SMYD3: variants seen among roughly 807,000 people sequenced by gnomAD.
SMYD3 encodes histone-lysine N-methyltransferase SMYD3.
Under a neutral mutation model 57.7 loss-of-function variants are expected in SMYD3, and 36 were observed. That is an observed-to-expected ratio of 0.62 (90% CI 0.48 to 0.82). The LOEUF is 0.82. Among genes scored for constraint, SMYD3 ranks in the 40% least tolerant of loss-of-function variants. The pLI is 0.00. For synonymous variants in SMYD3, 211 were observed against 195.0 expected, an observed-to-expected ratio of 1.08 and a Z score of -0.68; for missense variants, 515 against 538.8, an observed-to-expected ratio of 0.96 and a Z score of 0.44.
chr1:245,820,779 T>C (rs1280975577), intron 10 of SMYD3, among the ~76,000 whole-genome samples: 2 of 150,486 alleles, frequency 1.3e-5, no homozygotes, highest in East Asian at 3.9e-4. Context: ...AAATCATGAG[T>C]GAACTCCCAT....
intron 10 of SMYD3, among the ~76,000 whole-genome samples, chr1:245,852,783 A>T (rs2051042639): frequency 6.6e-6 from 1 of 152,208 alleles, no homozygotes; most frequent in Admixed American, 6.5e-5. Context: ...AAAAGTTTTT[A>T]AAAATGCTTG....
At chr1:246,290,344 A>T (rs1249181543) in intron 5 of SMYD3, among the ~76,000 whole-genome samples, 1 of 152,176 alleles carries the variant, frequency 6.6e-6, no homozygotes, top group Non-Finnish European at 1.5e-5. Flanking sequence ...TACTGTTCTC[A>T]TTTCACTAGA....
At chr1:246,293,598 A>G (rs1464535506) in intron 5 of SMYD3, among the ~76,000 whole-genome samples, 1 of 152,158 alleles carries the variant, frequency 6.6e-6, no homozygotes, top group Non-Finnish European at 1.5e-5. Flanking sequence ...GGCACAGTGG[A>G]AAAACCCACG....
chr1:246,280,578 T>C (rs2064422016), intron 5 of SMYD3, among the ~76,000 whole-genome samples: 1 of 152,204 alleles, frequency 6.6e-6, no homozygotes, highest in African/African-American at 2.4e-5. Context: ...TGCAACACAG[T>C]GAAATCTCCA....
At chr1:245,985,836 T>C (rs1413415707) in intron 5 of SMYD3, among the ~76,000 whole-genome samples, 3 of 152,198 alleles carry the variant, frequency 2.0e-5, no homozygotes, top group African/African-American at 7.2e-5. Context: ...TTCCAAAACC[T>C]TCCCAAATGT....
chr1:245,871,198 T>C (rs866965385), intron 8 of SMYD3, among the ~76,000 whole-genome samples: 7 of 152,308 alleles, frequency 4.6e-5, no homozygotes, highest in East Asian at 1.9e-4. Context: ...AAGAGAGAGA[T>C]TGGAAAGTCT....
intron 10 of SMYD3, among the ~76,000 whole-genome samples, chr1:245,827,278 T>G (rs1406811146): frequency 2.0e-5 from 3 of 152,186 alleles, no homozygotes; most frequent in African/African-American, 7.2e-5. Flanking sequence ...TAATCTTTAC[T>G]GCCTTCCAGT....
At chr1:245,810,512 ACT>A (rs1558369141) in intron 10 of SMYD3, among the ~76,000 whole-genome samples, 1 of 151,946 alleles carries the variant, frequency 6.6e-6, no homozygotes, top group African/African-American at 2.4e-5. Context: ...GACAGCACCT[ACT>A]CTGTTATTCA....
At chr1:246,134,132 G>T (rs1358980237) in intron 5 of SMYD3, among the ~76,000 whole-genome samples, 1 of 152,064 alleles carries the variant, frequency 6.6e-6, no homozygotes, top group African/African-American at 2.4e-5. Flanking sequence ...TCATAAGCAT[G>T]TCAGCTCACT....
intron 8 of SMYD3, among the ~76,000 whole-genome samples, chr1:245,893,522 T>A (rs2053528715): frequency 6.6e-6 from 1 of 151,928 alleles, no homozygotes; most frequent in Non-Finnish European, 1.5e-5. Flanking sequence ...TACTTGGCAA[T>A]AAAAATGAAC....
chr1:245,886,338 C>A (rs551683191), intron 8 of SMYD3, among the ~76,000 whole-genome samples: 1 of 151,796 alleles, frequency 6.6e-6, no homozygotes, highest in Non-Finnish European at 1.5e-5. Flanking sequence ...TTAGAGTTCT[C>A]GGGGTCTGAA....
chr1:246,351,313 T>TTATCAA (rs2065819592), intron 2 of SMYD3, among the ~76,000 whole-genome samples: 1 of 152,240 alleles, frequency 6.6e-6, no homozygotes, highest in South Asian at 2.1e-4. Context: ...AATGTATATA[T>TTATCAA]TATCAATCAT....
chr1:246,027,672 C>T (rs1406361419), intron 5 of SMYD3, among the ~76,000 whole-genome samples: 1 of 152,184 alleles, frequency 6.6e-6, no homozygotes, highest in Non-Finnish European at 1.5e-5. Flanking sequence ...TGATTGACAA[C>T]GCACCTAGTC....
intron 10 of SMYD3, among the ~76,000 whole-genome samples, chr1:245,792,606 G>A (rs1295261465): frequency 3.9e-5 from 6 of 152,168 alleles, no homozygotes; most frequent in Non-Finnish European, 5.9e-5. Flanking sequence ...TATCCACTTT[G>A]GGGGTGTCAT....
At chr1:246,499,861 ATAACGTTT>A (rs2068430626) in intron 1 of SMYD3, among the ~76,000 whole-genome samples, 1 of 150,950 alleles carries the variant, frequency 6.6e-6, no homozygotes, top group Non-Finnish European at 1.5e-5. Context: ...AGCACTCTCA[ATAACGTTT>A]TTTAAATCCC....
chr1:245,955,944 T>C (rs6658072), intron 5 of SMYD3: 984,111 of 984,696 alleles, frequency 1, 491,769 homozygotes, highest in East Asian at 1. Flanking sequence ...TGCTATAGTT[T>C]ATAGCTGACA....
chr1:246,457,292 T>C (rs1325322500), intron 1 of SMYD3, among the ~76,000 whole-genome samples: 1 of 151,874 alleles, frequency 6.6e-6, no homozygotes. Flanking sequence ...AACTCTCAGG[T>C]GACTCTTAGA....
chr1:245,831,314 G>A (rs1375425451), intron 10 of SMYD3, among the ~76,000 whole-genome samples: 1 of 152,182 alleles, frequency 6.6e-6, no homozygotes, highest in Non-Finnish European at 1.5e-5. Flanking sequence ...CATATGCATA[G>A]CAAGCAATTT....
At chr1:245,749,933 C>T (rs1040712924) in intron 11 of SMYD3, among the ~76,000 whole-genome samples, 4 of 152,104 alleles carry the variant, frequency 2.6e-5, no homozygotes, top group Non-Finnish European at 4.4e-5. Flanking sequence ...ACTGTCAGTG[C>T]ACAGGTTTGG....
Sources: allele counts gnomAD v4.1 joint callset (sites outside exome capture counted in the v4.1 genomes callset), GRCh38; gene constraint gnomAD v4.1.1; transcripts MANE v1.5; gene names NCBI Gene and HGNC (gene_info 2026-07-23, HGNC 2026-07-21).